The following MRPL42 variants were observed in gnomAD, a reference collection of about 807,000 sequenced individuals.
MRPL42 encodes the protein large ribosomal subunit protein mL42.
Under a neutral mutation model 17.9 loss-of-function variants are expected in MRPL42, and 17 were observed. That is an observed-to-expected ratio of 0.95 (90% confidence interval 0.65 to 1.42). The LOEUF (loss-of-function observed/expected upper bound fraction) is 1.42, where lower values mean the gene tolerates loss of function less well. Ranked by LOEUF, MRPL42 falls within the 40% of genes most tolerant of loss-of-function variation. MRPL42 has a pLI of 0.00. For synonymous variants in MRPL42, 59 were observed against 54.4 expected, an observed-to-expected ratio of 1.08 and a Z score of -0.37; for missense variants, 177 against 175.2, an observed-to-expected ratio of 1.01 and a Z score of -0.06.
chr12:93,494,573 A>G (rs962521639), intron 5 of MRPL42, among the ~76,000 whole-genome samples: 3 of 152,222 alleles, frequency 2.0e-5, no homozygotes, highest in Non-Finnish European at 4.4e-5. Context: ...TCAGAAGCAC[A>G]GTTAGACACA....
At chr12:93,481,567 G>A (rs1880464782) in intron 4 of MRPL42, among the ~76,000 whole-genome samples, 1 of 152,092 alleles carries the variant, frequency 6.6e-6, no homozygotes, top group African/African-American at 2.4e-5. Flanking sequence ...TAAGCTTGCT[G>A]TCACACTTTC....
intron 1 of MRPL42, among the ~76,000 whole-genome samples, chr12:93,468,232 A>C (rs1018736405): frequency 2.1e-4 from 32 of 152,348 alleles, no homozygotes; most frequent in African/African-American, 7.5e-4. Context: ...ATGTACTGGC[A>C]GTGCAAGGTA....
At chr12:93,497,414 G>A (rs1010763070) in intron 5 of MRPL42, among the ~76,000 whole-genome samples, 1 of 152,094 alleles carries the variant, frequency 6.6e-6, no homozygotes, top group Non-Finnish European at 1.5e-5. Flanking sequence ...TGAGATGCAA[G>A]GCTGATTCAA....
At chr12:93,488,557 TC>T (rs1425061276) in intron 5 of MRPL42, 1 of 328,454 alleles carries the variant, frequency 3.0e-6, no homozygotes, top group Non-Finnish European at 5.5e-6. Context: ...TTGTTCATTT[TC>T]CTGTTAAGTA....
At chr12:93,480,762 G>A (rs1191550657) in intron 4 of MRPL42, among the ~76,000 whole-genome samples, 1 of 147,938 alleles carries the variant, frequency 6.8e-6, no homozygotes, top group African/African-American at 2.5e-5. Flanking sequence ...GTATGGTCTC[G>A]ATCTCTTGAC....
At chr12:93,500,980 A>C in intron 5 of MRPL42, 196 bp from the exon 6 acceptor site, 1 of 470,766 alleles carries the variant, frequency 2.1e-6, no homozygotes. Context: ...AGAAAAAAAA[A>C]ATGATTAGGT....
chr12:93,482,042 T>C (rs1880491265), intron 4 of MRPL42, among the ~76,000 whole-genome samples: 1 of 152,158 alleles, frequency 6.6e-6, no homozygotes, highest in South Asian at 2.1e-4. Context: ...TCAATATTCA[T>C]CTCTCTAGTT....
chr12:93,492,115 A>C (rs145911877), intron 5 of MRPL42, among the ~76,000 whole-genome samples: 3 of 152,108 alleles, frequency 2.0e-5, no homozygotes, highest in African/African-American at 7.2e-5. Context: ...AACAGTTTCT[A>C]TTCCTTTGGG....
rs931688703 is a variant in MRPL42 at position 93,515,280 on chromosome 12, G to A, written c.*14059G>A. ...TGATGGAGTCATTCAGCTGACAAAT[G>A]ATAATGGCCTGGATTAAGGAAGGAG... On this transcript the variant is annotated 3_prime_UTR_variant, in exon 6 of 6. Coordinates refer to ENST00000549982, the MANE Select transcript of MRPL42 (RefSeq NM_014050.4). The A allele has an allele frequency of 2.0e-5, 3 of 152,076 alleles. No individual in the cohort carries two copies. Among genetic ancestry groups the A allele is most frequent in the African/African-American group, 7.2e-5 (3 of 41,406 alleles). The allele number at this position is 152,076 out of a possible 1,614,324, so 9.4% of individuals were successfully genotyped here.
chr12:93,487,692 C>T, intron 5 of MRPL42, 32 bp downstream of exon 5: 2 of 1,529,772 alleles, frequency 1.3e-6, no homozygotes, highest in Non-Finnish European at 1.8e-6. Flanking sequence ...TCAATCCCTA[C>T]TACATACAGT....
Position 93,511,177 on chromosome 12 carries a change from A to G in MRPL42, c.*9956A>G. The stretch of plus-strand genomic sequence containing the variant: ...TAGCCATAAATGAAGACATGGGAAA[A>G]CCATAACATGTTATTTGCTGAGAAG... On this transcript the variant is annotated 3_prime_UTR_variant, in exon 6 of 6. Coordinates refer to ENST00000549982, the MANE Select transcript of MRPL42 (RefSeq NM_014050.4). 1 of 152,194 alleles carries G rather than the reference A, an allele frequency of 6.6e-6. No individual in the cohort carries two copies. Among genetic ancestry groups the G allele is most frequent in the Non-Finnish European group, 1.5e-5 (1 of 68,022 alleles). The allele number at this position is 152,194 out of a possible 1,614,324, so 9.4% of individuals were successfully genotyped here.
intron 5 of MRPL42, among the ~76,000 whole-genome samples, chr12:93,492,475 T>A (rs1274634049): frequency 6.6e-6 from 1 of 152,228 alleles, no homozygotes; most frequent in African/African-American, 2.4e-5. Flanking sequence ...ATGGAATTAC[T>A]TATTTTTGCT....
At chr12:93,494,954 G>A (rs1379167952) in intron 5 of MRPL42, among the ~76,000 whole-genome samples, 1 of 152,176 alleles carries the variant, frequency 6.6e-6, no homozygotes, top group African/African-American at 2.4e-5. Context: ...TGATACAGGG[G>A]TCCCCAGAGA....
intron 2 of MRPL42, among the ~76,000 whole-genome samples, chr12:93,471,895 C>T (rs1458452579): frequency 2.0e-5 from 3 of 152,130 alleles, no homozygotes; most frequent in African/African-American, 7.2e-5. Context: ...TTGCAGGAAC[C>T]CAGCTCCTAG....
rs1384100114 is a variant in MRPL42, at chr12:93,509,537, A to C, written c.*8316A>C. 1 of 151,996 alleles carries C rather than the reference A, an allele frequency of 6.6e-6. No individual in the cohort carries two copies. The highest frequency in any genetic ancestry group is 1.5e-5 in the Non-Finnish European group (1 of 67,990). The allele number at this position is 151,996 out of a possible 1,614,324, so 9.4% of individuals were successfully genotyped here. ...AGACCTAGCTACTCAGGAGGCTAAGACAGGAGGATCACTTGAGTCCAGAAG... is the reference window on the plus strand; with the variant it reads ...AGACCTAGCTACTCAGGAGGCTAAGCCAGGAGGATCACTTGAGTCCAGAAG... On this transcript the variant is annotated 3_prime_UTR_variant, in exon 6 of 6. Coordinates refer to ENST00000549982, the MANE Select transcript of MRPL42 (RefSeq NM_014050.4).
At position 93,501,125 on chromosome 12, in the gene MRPL42, G is replaced by A. The variant is rs542305003; in HGVS notation, c.384-51G>A. On this transcript the variant is annotated intron_variant, in intron 5 of 5. Transcript: ENST00000549982. The stretch of plus-strand genomic sequence containing the variant: ...ATCATAGAAGTTAGATTTTTATCAG[G>A]AATAATTTTTATTAAAATCATCTTA... 97 of 1,378,098 alleles carry A rather than the reference G, an allele frequency of 7.0e-5. No individual in the cohort carries two copies. In the South Asian group the frequency reaches 1.1e-3, roughly 15 times the overall value. 85.4% of individuals were successfully genotyped at this position (1,378,098 alleles called of 1,614,324 possible).
intron 4 of MRPL42, among the ~76,000 whole-genome samples, chr12:93,484,979 C>CACATATATATATATAT (rs1555201395): frequency 4.5e-5 from 1 of 22,462 alleles, no homozygotes; most frequent in Non-Finnish European, 1.1e-4. Context: ...CACACACACA[C>CACATATATATATATAT]ATATATATAT....
rs1040759335 is a variant in MRPL42, at chr12:93,503,919, C to T, written c.*2698C>T. 5.3e-5 allele frequency: 8 copies of T among 151,490 alleles called. No individual in the cohort carries two copies. Among genetic ancestry groups the T allele is most frequent in the African/African-American group, 1.9e-4 (8 of 41,246 alleles). The allele number at this position is 151,490 out of a possible 1,614,324, so 9.4% of individuals were successfully genotyped here. A position where few individuals can be genotyped will look rare whatever the true frequency, so the allele number is the denominator to read the frequency against. On this transcript the variant is annotated 3_prime_UTR_variant, in exon 6 of 6. Transcript: ENST00000549982. ...GTTAGACAAAATCATTGTTTCTGTT[C>T]CATCTTGTGAATAATGCTGTTATTA...
chr12:93,480,031 ATTTATT>A (rs1240482135), intron 4 of MRPL42, among the ~76,000 whole-genome samples: 1 of 151,706 alleles, frequency 6.6e-6, no homozygotes, highest in Non-Finnish European at 1.5e-5. Context: ...TTTTAATATA[ATTTATT>A]TTTAGTTTGA....
Sources: gnomAD v4.1 joint callset for allele counts (sites outside exome capture counted in the v4.1 genomes callset) on GRCh38, gnomAD v4.1.1 for gene constraint, MANE v1.5 for transcripts, NCBI Gene and HGNC (gene_info 2026-07-23, HGNC 2026-07-21) for gene names.